The following CPN1 variants were observed in gnomAD, a reference collection of about 807,000 sequenced individuals.
CPN1 encodes the protein carboxypeptidase N subunit 1.
Under a neutral mutation model 46.4 loss-of-function variants are expected in CPN1, and 37 were observed. That is an observed-to-expected ratio of 0.80 (90% CI 0.61 to 1.05). CPN1 has a LOEUF of 1.05. Ranked by LOEUF, CPN1 falls within the 50% of genes least tolerant of loss-of-function variation. The probability of loss-of-function intolerance (pLI) is 0.00; values close to 1 mark genes in which losing one functional copy is unlikely to be tolerated. For missense variants in CPN1, 563 were observed against 602.6 expected (o/e 0.93, Z 0.69); for synonymous variants, 224 against 235.4 (o/e 0.95, Z 0.44).
At chr10:100,059,488 A>T (rs1211457970) in intron 5 of CPN1, among the ~76,000 whole-genome samples, 1 of 151,984 alleles carries the variant, frequency 6.6e-6, no homozygotes, top group East Asian at 1.9e-4. Context: ...GTATATAAAT[A>T]GCCAATAAGC....
intron 5 of CPN1, among the ~76,000 whole-genome samples, chr10:100,058,299 T>G (rs1227200478): frequency 1.3e-5 from 2 of 152,200 alleles, no homozygotes; most frequent in Non-Finnish European, 2.9e-5. Context: ...ATTTTTCTCC[T>G]TAAACTACAA....
intron 1 of CPN1, among the ~76,000 whole-genome samples, chr10:100,079,138 C>A (rs1564777653): frequency 6.6e-6 from 1 of 152,250 alleles, no homozygotes. Context: ...TTCCTCCATG[C>A]CATCCTTATC....
intron 1 of CPN1, among the ~76,000 whole-genome samples, chr10:100,077,834 A>G (rs2041523931): frequency 6.6e-6 from 1 of 152,074 alleles, no homozygotes; most frequent in Non-Finnish European, 1.5e-5. Flanking sequence ...TTTTCTTCAC[A>G]TCCTTATTCA....
intron 5 of CPN1, among the ~76,000 whole-genome samples, chr10:100,057,435 TA>T (rs1203198901): frequency 6.6e-6 from 1 of 152,186 alleles, no homozygotes; most frequent in East Asian, 1.9e-4. Context: ...GTTGTGGCAA[TA>T]AAAATAATCA....
At chr10:100,077,227 C>CTT (rs57632037) in intron 1 of CPN1, among the ~76,000 whole-genome samples, 5,105 of 113,702 alleles carry the variant, frequency 0.045, 597 homozygotes, top group African/African-American at 0.17. Context: ...CCGGTTTTAC[C>CTT]TTTTTTTTTT....
chr10:100,078,922 C>T (rs542974864), intron 1 of CPN1, among the ~76,000 whole-genome samples: 17 of 152,358 alleles, frequency 1.1e-4, no homozygotes, highest in Admixed American at 4.6e-4. Context: ...CTCATTCACT[C>T]GGCTGGAGCC....
chr10:100,060,733 C>T (rs963905416), intron 5 of CPN1, among the ~76,000 whole-genome samples: 1 of 152,172 alleles, frequency 6.6e-6, no homozygotes, highest in African/African-American at 2.4e-5. Flanking sequence ...AATAGAACTA[C>T]TAGTTGATTC....
At chr10:100,061,851 T>C (rs1005708801) in intron 5 of CPN1, among the ~76,000 whole-genome samples, 1 of 152,216 alleles carries the variant, frequency 6.6e-6, no homozygotes, top group African/African-American at 2.4e-5. Flanking sequence ...TTTATTTATT[T>C]ATTTTTCAGA....
intron 8 of CPN1, among the ~76,000 whole-genome samples, chr10:100,045,226 A>C (rs2041301185): frequency 6.6e-6 from 1 of 152,232 alleles, no homozygotes; most frequent in Admixed American, 6.5e-5. Context: ...GGGGGGCAAA[A>C]TCCTTTGAAA....
chr10:100,078,359 T>C (rs1221831858), intron 1 of CPN1, among the ~76,000 whole-genome samples: 2 of 152,212 alleles, frequency 1.3e-5, no homozygotes, highest in Non-Finnish European at 2.9e-5. Context: ...TCAATATATC[T>C]GGAACACAAC....
intron 5 of CPN1, among the ~76,000 whole-genome samples, chr10:100,061,584 T>C (rs1181247051): frequency 6.6e-6 from 1 of 152,182 alleles, no homozygotes; most frequent in African/African-American, 2.4e-5. Context: ...GACCACACTG[T>C]TGGAAGAACC....
At chr10:100,048,303 G>T (rs531791028) in intron 8 of CPN1, among the ~76,000 whole-genome samples, 1 of 152,260 alleles carries the variant, frequency 6.6e-6, no homozygotes, top group South Asian at 2.1e-4. Context: ...GGATATAACA[G>T]GAGAGTGACA....
chr10:100,058,402 C>T (rs1466707414), intron 5 of CPN1, among the ~76,000 whole-genome samples: 2 of 152,128 alleles, frequency 1.3e-5, no homozygotes, highest in Non-Finnish European at 2.9e-5. Flanking sequence ...TCTGAAAATA[C>T]CCATCCCAGA....
intron 8 of CPN1, 70 bp downstream of exon 8, chr10:100,048,688 G>A: frequency 9.0e-7 from 1 of 1,113,748 alleles, no homozygotes; most frequent in Non-Finnish European, 1.4e-6. Context: ...GACAGAGCAG[G>A]ACACTGTCCT....
At chr10:100,062,424 G>A (rs2041425241) in intron 5 of CPN1, among the ~76,000 whole-genome samples, 1 of 152,102 alleles carries the variant, frequency 6.6e-6, no homozygotes, top group South Asian at 2.1e-4. Context: ...GTATCTCAGG[G>A]GAACTGGTTG....
intron 6 of CPN1, among the ~76,000 whole-genome samples, chr10:100,055,334 A>T (rs914911381): frequency 4.9e-4 from 75 of 151,664 alleles, no homozygotes; most frequent in Non-Finnish European, 9.0e-4. Flanking sequence ...TCTATTAAAC[A>T]ATGATTCTCC....
intron 4 of CPN1, among the ~76,000 whole-genome samples, chr10:100,064,621 T>C (rs2041441963): frequency 6.6e-6 from 1 of 151,926 alleles, no homozygotes; most frequent in Admixed American, 6.6e-5. Flanking sequence ...CCTCAGGCAA[T>C]TCGTCTGCCT....
At chr10:100,047,046 C>T (rs1163830125) in intron 8 of CPN1, among the ~76,000 whole-genome samples, 1 of 151,690 alleles carries the variant, frequency 6.6e-6, no homozygotes, top group Non-Finnish European at 1.5e-5. Flanking sequence ...TGCACTCCAG[C>T]CTGGGTGGCA....
chr10:100,063,805 G>T, intron 4 of CPN1, 80 bp from the exon 5 acceptor site: 1 of 1,024,546 alleles, frequency 9.8e-7, no homozygotes, highest in Non-Finnish European at 1.6e-6. Context: ...CTAGGTTGAA[G>T]CCAAGAAGCC....
Sources: allele counts gnomAD v4.1 joint callset (sites outside exome capture counted in the v4.1 genomes callset), GRCh38; gene constraint gnomAD v4.1.1; transcripts MANE v1.5; gene names NCBI Gene and HGNC (gene_info 2026-07-23, HGNC 2026-07-21).